Variants in COL16A1 observed in about 807,000 individuals in gnomAD.
The protein encoded by COL16A1 is collagen type XVI alpha 1 chain.
In COL16A1, 189 loss-of-function variants were observed where a neutral mutation model predicts 266.3. That is an observed-to-expected ratio of 0.71 (90% CI 0.63 to 0.80). The LOEUF (loss-of-function observed/expected upper bound fraction) is 0.80. Among genes scored for constraint, COL16A1 ranks in the 30% least tolerant of loss-of-function variants. The probability of loss-of-function intolerance (pLI) is 0.00; values close to 1 mark genes in which losing one functional copy is unlikely to be tolerated. For synonymous variants in COL16A1, 740 were observed against 782.3 expected (o/e 0.95, Z 0.90); for missense variants, 1,928 against 2,122.4 (o/e 0.91, Z 1.80).
intron 13 of COL16A1, 77 bp from the exon 14 acceptor site, chr1:31,692,885 C>T (rs1204938246): frequency 7.1e-7 from 1 of 1,399,864 alleles, no homozygotes; most frequent in Admixed American, 1.7e-5. Context: ...GAGGATCGGC[C>T]CGGGAACCCC....
rs1641882686 is a variant in COL16A1 at position 31,663,675 on chromosome 1, G to T, written c.3556-1017C>A. The stretch of plus-strand genomic sequence containing the variant: ...TGTCTTAGCCAGGGAATCTCCGCTT[G>T]TATTTGTTTTATAGATTGAGGTTTT... On this transcript the variant is annotated intron_variant, in intron 56 of 70. Coordinates refer to ENST00000373672, the MANE Select transcript of COL16A1 (RefSeq NM_001856.4). This position sits in a 1 kb window ranked among gnomAD's most constrained non-coding sequence, Gnocchi z 4.9. Among the ~76,000 whole-genome samples, 1 of 152,200 alleles carries T rather than the reference G, an allele frequency of 6.6e-6. No individual in the cohort carries two copies. Among genetic ancestry groups the T allele is most frequent in the South Asian group, 2.1e-4 (1 of 4,834 alleles).
chr1:31,701,472 C>T (rs1644721686), intron 2 of COL16A1: 1 of 985,296 alleles, frequency 1.0e-6, no homozygotes, highest in African/African-American at 1.7e-5. Flanking sequence ...TCTGTTCCTG[C>T]TTGGCGAAGC....
intron 42 of COL16A1, among the ~76,000 whole-genome samples, chr1:31,677,583 C>T (rs1643295822): frequency 6.6e-6 from 1 of 152,214 alleles, no homozygotes; most frequent in Non-Finnish European, 1.5e-5. Context: ...CTACTAGTTG[C>T]CTCAGGCATC....
chr1:31,695,320 T>A, intron 10 of COL16A1, 99 bp from the exon 11 acceptor site: 1 of 1,143,238 alleles, frequency 8.7e-7, no homozygotes, highest in Non-Finnish European at 1.3e-6. Flanking sequence ...CACACATATC[T>A]TGAGTGGAAT....
In COL16A1 at chr1:31,656,951, T is replaced by C. The variant is rs1340932421; in HGVS notation, c.4056+82A>G. 2 of 1,584,920 alleles carry C rather than the reference T, an allele frequency of 1.3e-6. No individual in the cohort carries two copies. Among genetic ancestry groups the C allele is most frequent in the Admixed American group, 1.7e-5 (1 of 59,806 alleles). Reference sequence around the variant, plus strand: ...GCCCGTACATAGAAGGAATGTTTACTGAAAAAAATGAAGAGGGGTCAGGGC... The same window carrying C: ...GCCCGTACATAGAAGGAATGTTTACCGAAAAAAATGAAGAGGGGTCAGGGC... On this transcript the variant is annotated intron_variant, in intron 65 of 70. Coordinates refer to ENST00000373672, the MANE Select transcript of COL16A1 (RefSeq NM_001856.4). This position sits in a 1 kb window ranked among gnomAD's most constrained non-coding sequence, Gnocchi z 4.2.
chr1:31,695,226 A>G lies in COL16A1; in HGVS notation c.946-5T>C. On this transcript the variant is annotated splice_region_variant and splice_polypyrimidine_tract_variant and intron_variant, in intron 10 of 70. Coordinates refer to ENST00000373672, the MANE Select transcript of COL16A1 (RefSeq NM_001856.4). ...ACCATGGACACAGGGCGGACACTGAAAGGGAAGAGCAGGCGAAGAGGTCAA... is the reference window on the plus strand; with the variant it reads ...ACCATGGACACAGGGCGGACACTGAGAGGGAAGAGCAGGCGAAGAGGTCAA... 4.3e-6 allele frequency: 7 copies of G among 1,613,766 alleles called. No homozygotes were observed. The highest frequency in any genetic ancestry group is 5.9e-6 in the Non-Finnish European group (7 of 1,179,956).
In COL16A1 at chr1:31,700,052, G is replaced by T; in HGVS notation, c.137C>A (p.Ala46Asp). ...GGTTGGGTGCTCACCAGTCACGTTG[G>T]CTGGCAGGCTACTACTGTGTTCCAA... ...LKLEHSSSLPANVTGFNLIHR... is the reference protein window; with the variant it reads ...LKLEHSSSLPDNVTGFNLIHR... The change falls in exon 3 of 71, where the codon GCC becomes GAC. Residue 46 changes from alanine to aspartate, a missense_variant. Ala to Asp is a moderately radical substitution (Grantham distance 126). Transcript: ENST00000373672. 1 of 1,614,180 alleles carries T rather than the reference G, an allele frequency of 6.2e-7. No homozygotes were observed. Among genetic ancestry groups the T allele is most frequent in the Non-Finnish European group, 8.5e-7 (1 of 1,180,016 alleles).
intron 58 of COL16A1, 92 bp from the exon 59 acceptor site, chr1:31,661,796 C>G (rs1277507074): frequency 6.6e-6 from 9 of 1,362,362 alleles, no homozygotes; most frequent in Admixed American, 2.5e-5. Context: ...CAGCCCTCCC[C>G]AGCTATCCTA....
intron 12 of COL16A1, among the ~76,000 whole-genome samples, 186 bp downstream of exon 12, chr1:31,693,958 C>T (rs1215331096): frequency 6.6e-6 from 1 of 152,222 alleles, no homozygotes; most frequent in Non-Finnish European, 1.5e-5. Context: ...CAGAAAAGGG[C>T]AGCTCTTAGC....
Position 31,679,854 on chromosome 1 carries a change from G to A in COL16A1, c.2671-3C>T. The A allele has an allele frequency of 1.3e-6, 2 of 1,515,858 alleles. No homozygotes were observed. Among genetic ancestry groups the A allele is most frequent in the African/African-American group, 1.4e-5 (1 of 72,038 alleles). 93.9% of individuals were successfully genotyped at this position (1,515,858 alleles called of 1,614,324 possible). A position where few individuals can be genotyped will look rare whatever the true frequency, so the allele number is the denominator to read the frequency against. On this transcript the variant is annotated splice_region_variant and splice_polypyrimidine_tract_variant and intron_variant, in intron 40 of 70. Transcript: ENST00000373672. ...CCCATCCAAAGTCCCGGAGCACCCT[G>A]GGTGGGAGTGGGGGTCGCAAAAGAA...
In COL16A1 at chr1:31,655,423, C is replaced by G. The variant is rs200894307; in HGVS notation, c.4181G>C (p.Ser1394Thr). ...TGGCCCAACAGGCCCCATGGAACCA[C>G]TCTTGCCAGGTCCACCAGGCATGCC... ...RAGMPGGPGKSGSMGPVGPPG... is the reference protein window; with the variant it reads ...RAGMPGGPGKTGSMGPVGPPG... Residue 1394 changes from serine (S) to threonine (T), a missense_variant, in exon 67 of 71, where the codon AGT becomes ACT. Around this residue, in one of 2 missense-constraint regions of COL16A1, gnomAD observed 376 missense variants for 485.2 expected, o/e 0.77. Coordinates refer to ENST00000373672, the MANE Select transcript of COL16A1 (RefSeq NM_001856.4). 4.3e-5 allele frequency: 69 copies of G among 1,614,032 alleles called. No homozygotes were observed. Among genetic ancestry groups the G allele is most frequent in the Non-Finnish European group, 5.8e-5 (68 of 1,180,022 alleles).
At chr1:31,665,348 T>C (rs963774552) in intron 55 of COL16A1, 114 bp from the exon 56 acceptor site, 17 of 1,481,512 alleles carry the variant, frequency 1.1e-5, no homozygotes, top group Non-Finnish European at 1.5e-5. Flanking sequence ...TTTGACTTCC[T>C]AGAAGCACCA....
chr1:31,654,366 G>A (rs112761360), intron 68 of COL16A1, among the ~76,000 whole-genome samples: 1,788 of 152,254 alleles, frequency 0.012, 23 homozygotes, highest in African/African-American at 0.036. Flanking sequence ...CAAGCAAGAC[G>A]TCCAGCCCTT....
In COL16A1 at chr1:31,698,493, C is replaced by T. The variant is rs373216294; in HGVS notation, c.380G>A (p.Gly127Glu). The T allele has an allele frequency of 7.1e-5, 114 of 1,613,960 alleles. No homozygotes were observed. The highest frequency in any genetic ancestry group is 9.5e-5 in the Non-Finnish European group (112 of 1,180,010). Reference sequence around the variant, plus strand: ...ACAGGGGAGGTTCACCTGTGGATACCCATTTGCATCGGTCACTTGAAACAG... The same window carrying T: ...ACAGGGGAGGTTCACCTGTGGATACTCATTTGCATCGGTCACTTGAAACAG... ...WYLFQVTDANGYPQISLEVNS... is the reference protein window; with the variant it reads ...WYLFQVTDANEYPQISLEVNS... Residue 127 changes from glycine to glutamate, a missense_variant, in exon 5 of 71, where the codon GGG becomes GAG. Coordinates refer to ENST00000373672, the MANE Select transcript of COL16A1 (RefSeq NM_001856.4). The surrounding 1 kb of genome is among the most constrained non-coding windows in gnomAD (Gnocchi z 4.1).
intron 4 of COL16A1, among the ~76,000 whole-genome samples, 178 bp downstream of exon 4, chr1:31,699,635 G>A (rs1005006528): frequency 2.0e-5 from 3 of 152,232 alleles, no homozygotes; most frequent in Non-Finnish European, 4.4e-5. Flanking sequence ...AGGTCTGCCA[G>A]GTACCACCTC....
intron 52 of COL16A1, among the ~76,000 whole-genome samples, chr1:31,666,957 G>A (rs867524221): frequency 1.3e-5 from 2 of 152,206 alleles, no homozygotes; most frequent in African/African-American, 4.8e-5. Flanking sequence ...CCTCAGAGGG[G>A]AGCCTGGCAC....
intron 68 of COL16A1, 54 bp from the exon 69 acceptor site, chr1:31,654,097 G>A (rs2148641165): frequency 6.4e-7 from 1 of 1,564,644 alleles, no homozygotes; most frequent in Non-Finnish European, 8.7e-7. Flanking sequence ...CAGGGACTCA[G>A]AATGACTGCA....
chr1:31,703,147 G>A (rs540110164), intron 1 of COL16A1, among the ~76,000 whole-genome samples: 11 of 152,232 alleles, frequency 7.2e-5, no homozygotes, highest in South Asian at 2.1e-4. Context: ...ACATATGCTC[G>A]CTGATATACC....
intron 14 of COL16A1, 45 bp downstream of exon 14, chr1:31,692,722 T>C (rs1253770160): frequency 6.2e-7 from 1 of 1,612,632 alleles, no homozygotes; most frequent in East Asian, 2.2e-5. Context: ...CCCCAGGGGC[T>C]GGCCCCATAT....
Sources: gnomAD v4.1 joint callset for allele counts (sites outside exome capture counted in the v4.1 genomes callset) on GRCh38, gnomAD v4.1.1 for gene constraint, gnomAD v4.1.1 regional missense constraint, Gnocchi (gnomAD v3.1) non-coding constraint, MANE v1.5 for transcripts, NCBI Gene and HGNC (gene_info 2026-07-23, HGNC 2026-07-21) for gene names.